SPHKAP: variants seen among roughly 807,000 people sequenced by gnomAD.
SPHKAP encodes the protein SPHK1 interactor, AKAP domain containing.
A neutral mutation model predicts 137.5 loss-of-function variants in SPHKAP; 67 were observed. That is an observed-to-expected ratio of 0.49 (90% CI 0.40 to 0.60). The LOEUF (loss-of-function observed/expected upper bound fraction) is 0.60, where lower values mean the gene tolerates loss of function less well. SPHKAP is among the 20% of genes least tolerant of loss of function. The pLI is 0.00. For missense variants in SPHKAP, 2,097 were observed against 2,069.3 expected, an observed-to-expected ratio of 1.01 and a Z score of -0.26; for synonymous variants, 813 against 785.3, an observed-to-expected ratio of 1.04 and a Z score of -0.59.
Position 228,114,411 on chromosome 2 carries a change from T to C in SPHKAP, c.139-5472A>G, listed in dbSNP as rs1457010857. Among the ~76,000 whole-genome samples the C allele has an allele frequency of 2.0e-5, 3 of 152,094 alleles. No individual in the cohort carries two copies. The East Asian group carries it at 5.8e-4, about 29-fold the overall frequency. On this transcript the variant is annotated intron_variant, in intron 2 of 11. Coordinates refer to ENST00000392056, the MANE Select transcript of SPHKAP (RefSeq NM_001142644.2). The stretch of plus-strand genomic sequence containing the variant: ...CTTAATATTTTTTAAGTAATTTAAA[T>C]TGGAGAAGACAGTGACTGGTGATTA...
chr2:228,092,516 G>A (rs1242375370), intron 3 of SPHKAP, among the ~76,000 whole-genome samples: 2 of 66,128 alleles, frequency 3.0e-5, no homozygotes, highest in African/African-American at 1.2e-4. Context: ...ACATATATGT[G>A]CCATATATAT....
At chr2:228,073,667 C>T (rs575762690) in intron 3 of SPHKAP, among the ~76,000 whole-genome samples, 1 of 152,192 alleles carries the variant, frequency 6.6e-6, no homozygotes, top group Non-Finnish European at 1.5e-5. Flanking sequence ...ATTAAATCAA[C>T]ACATCAATAA....
intron 7 of SPHKAP, among the ~76,000 whole-genome samples, chr2:228,016,157 G>C (rs562321082): frequency 6.6e-6 from 1 of 151,622 alleles, no homozygotes; most frequent in Non-Finnish European, 1.5e-5. Flanking sequence ...TATTAACCTA[G>C]GAGATCATTT....
In SPHKAP at chr2:228,019,809, T is replaced by A; in HGVS notation, c.1045A>T (p.Met349Leu). 6.2e-7 allele frequency: 1 copy of A among 1,614,152 alleles called. No individual in the cohort carries two copies. The highest frequency in any genetic ancestry group is 8.5e-7 in the Non-Finnish European group (1 of 1,180,014). Residue 349 changes from methionine to leucine, a missense_variant, in exon 7 of 12, where the codon ATG (methionine) becomes TTG (leucine). Physicochemically the swap from Met to Leu is conservative, Grantham distance 15. Transcript: ENST00000392056. ...YIPKDAYFSM[M>L]DKDVPSACAV... ...CATGCAGAAGGTACATCTTTATCCA[T>A]CATGGAGAAATAAGCATCTTTTGGA...
At chr2:228,014,959 G>A (rs1694513114) in intron 7 of SPHKAP, among the ~76,000 whole-genome samples, 1 of 151,874 alleles carries the variant, frequency 6.6e-6, no homozygotes, top group South Asian at 2.1e-4. Context: ...TAGGGTACAT[G>A]TGCACAAAGT....
intron 2 of SPHKAP, among the ~76,000 whole-genome samples, chr2:228,126,113 G>A (rs1201617867): frequency 6.6e-6 from 1 of 152,096 alleles, no homozygotes; most frequent in East Asian, 1.9e-4. Flanking sequence ...GTATGAGATG[G>A]GGGCATCAGA....
At chr2:228,119,336 C>T (rs1454597149) in intron 2 of SPHKAP, among the ~76,000 whole-genome samples, 1 of 152,122 alleles carries the variant, frequency 6.6e-6, no homozygotes, top group African/African-American at 2.4e-5. Context: ...TCTTTAATGT[C>T]TTGAAGCATT....
Position 228,118,162 on chromosome 2 carries a change from G to A in SPHKAP, c.139-9223C>T, listed in dbSNP as rs558742105. Among the ~76,000 whole-genome samples, 14 of 149,420 alleles carry A rather than the reference G, an allele frequency of 9.4e-5. No individual in the cohort carries two copies. The South Asian group carries it at 1.3e-3, about 14-fold the overall frequency. On this transcript the variant is annotated intron_variant, in intron 2 of 11. Transcript: ENST00000392056. ...TCTTAGCATAATGAGTTTGAGATTC[G>A]TCTATATTATCATATGCATGAGTAG...
chr2:228,013,188 T>G (rs1348521098), intron 7 of SPHKAP, among the ~76,000 whole-genome samples: 1 of 152,224 alleles, frequency 6.6e-6, no homozygotes, highest in Non-Finnish European at 1.5e-5. Flanking sequence ...ATATGGTTAA[T>G]TTTCCCTCTA....
At chr2:227,991,447 T>C (rs1292123372) in intron 9 of SPHKAP, 121 bp from the exon 10 acceptor site, 1 of 1,565,514 alleles carries the variant, frequency 6.4e-7, no homozygotes, top group East Asian at 2.3e-5. Context: ...GATTTATTGT[T>C]TTTGTAGAGT....
intron 3 of SPHKAP, among the ~76,000 whole-genome samples, chr2:228,030,808 A>T (rs1433301976): frequency 6.6e-6 from 1 of 151,884 alleles, no homozygotes; most frequent in African/African-American, 2.4e-5. Context: ...TGTCTTCTCT[A>T]GAGAAACTAG....
rs1424514965 is a variant in SPHKAP at position 228,156,527 on chromosome 2, A to G, written c.33-24442T>C. Among the ~76,000 whole-genome samples, 4 of 152,242 alleles carry G rather than the reference A, an allele frequency of 2.6e-5. No individual in the cohort carries two copies. The East Asian group carries it at 7.7e-4, about 29-fold the overall frequency. ...CCATAAACAACTTAAAAGTACAACAATCAGAAAGAACATAATCCTTTCTAA... is the reference window on the plus strand; with the variant it reads ...CCATAAACAACTTAAAAGTACAACAGTCAGAAAGAACATAATCCTTTCTAA... On this transcript the variant is annotated intron_variant, in intron 1 of 11. Transcript: ENST00000392056.
chr2:228,092,414 T>C (rs1355590116), intron 3 of SPHKAP, among the ~76,000 whole-genome samples: 25 of 92,282 alleles, frequency 2.7e-4, no homozygotes, highest in African/African-American at 9.6e-4. Context: ...TACACATATA[T>C]ACATATATAC....
chr2:228,081,319 A>G (rs1025990196), intron 3 of SPHKAP, among the ~76,000 whole-genome samples: 1 of 152,174 alleles, frequency 6.6e-6, no homozygotes, highest in African/African-American at 2.4e-5. Context: ...AGCCCTCAAA[A>G]TCATCTTTGG....
chr2:228,002,225 G>A (rs1243564431), intron 7 of SPHKAP, among the ~76,000 whole-genome samples: 3 of 152,226 alleles, frequency 2.0e-5, no homozygotes, highest in South Asian at 2.1e-4. Flanking sequence ...ATCCTCTCCA[G>A]CACCTGTTGT....
At chr2:228,048,670 G>A (rs1696152095) in intron 3 of SPHKAP, among the ~76,000 whole-genome samples, 1 of 152,124 alleles carries the variant, frequency 6.6e-6, no homozygotes, top group Non-Finnish European at 1.5e-5. Flanking sequence ...ATTCAGAACA[G>A]TAACCTGCTG....
intron 1 of SPHKAP, among the ~76,000 whole-genome samples, chr2:228,179,150 A>G (rs762084811): frequency 6.6e-6 from 1 of 152,178 alleles, no homozygotes; most frequent in East Asian, 1.9e-4. Context: ...ATTAAGTAGA[A>G]TGTCTTAAAT....
chr2:228,155,882 G>A (rs184912624), intron 1 of SPHKAP, among the ~76,000 whole-genome samples: 181 of 152,298 alleles, frequency 1.2e-3, no homozygotes, highest in Admixed American at 2.9e-3. Context: ...TGTGATGCAA[G>A]CAAAGAGGAC....
intron 3 of SPHKAP, among the ~76,000 whole-genome samples, chr2:228,099,948 C>T (rs971084625): frequency 6.6e-6 from 1 of 151,952 alleles, no homozygotes; most frequent in Non-Finnish European, 1.5e-5. Flanking sequence ...CTCCTGGGTT[C>T]ACGCCATTCT....
Sources: gnomAD v4.1 joint callset for allele counts (sites outside exome capture counted in the v4.1 genomes callset) on GRCh38, gnomAD v4.1.1 for gene constraint, MANE v1.5 for transcripts, NCBI Gene and HGNC (gene_info 2026-07-23, HGNC 2026-07-21) for gene names.